The following UNC13A variants were observed in gnomAD, a reference collection of about 807,000 sequenced individuals.
UNC13A encodes protein unc-13 homolog A.
Under a neutral mutation model 219.7 loss-of-function variants are expected in UNC13A, and 61 were observed. The observed-to-expected ratio is 0.28, with a 90% confidence interval of 0.23 to 0.34. UNC13A has a LOEUF of 0.34. Ranked by LOEUF, UNC13A falls within the 10% of genes least tolerant of loss-of-function variation. The probability of loss-of-function intolerance (pLI) is 1.00; values close to 1 mark genes in which losing one functional copy is unlikely to be tolerated. For synonymous variants in UNC13A, 920 were observed against 884.6 expected, an observed-to-expected ratio of 1.04 and a Z score of -0.71; for missense variants, 1,476 against 2,270.3, an observed-to-expected ratio of 0.65 and a Z score of 7.11.
intron 41 of UNC13A, among the ~76,000 whole-genome samples, chr19:17,615,457 C>T (rs2076652574): frequency 6.6e-6 from 1 of 152,010 alleles, no homozygotes; most frequent in Non-Finnish European, 1.5e-5. Flanking sequence ...GATGGGTGGA[C>T]CACTTGAGGC....
chr19:17,633,992 T>C (rs965908801), intron 26 of UNC13A, among the ~76,000 whole-genome samples: 3 of 151,678 alleles, frequency 2.0e-5, no homozygotes, highest in African/African-American at 7.3e-5. Context: ...CATCCATCCC[T>C]CCATCCATTC....
chr19:17,661,799 G>C (rs2079555182), intron 8 of UNC13A, among the ~76,000 whole-genome samples: 1 of 152,192 alleles, frequency 6.6e-6, no homozygotes, highest in African/African-American at 2.4e-5. Flanking sequence ...CATGGATCTG[G>C]TCTGTGGCCT....
chr19:17,651,729 G>A lies in UNC13A; in HGVS notation c.1439+902C>T, dbSNP rs142501899. Among the ~76,000 whole-genome samples, 86 of 152,216 alleles carry A rather than the reference G, an allele frequency of 5.6e-4. No individual in the cohort carries two copies. The Middle Eastern group carries it at 0.014, about 24-fold the overall frequency. On this transcript the variant is annotated intron_variant, in intron 12 of 43. Transcript: ENST00000519716. Reference sequence around the variant, plus strand: ...CATCCTTCATAAATCACGTGCACAGGAATCCGCATTTCAGGACCCGCATCC... The same window carrying A: ...CATCCTTCATAAATCACGTGCACAGAAATCCGCATTTCAGGACCCGCATCC...
chr19:17,628,615 G>C (rs2076809231), intron 31 of UNC13A, among the ~76,000 whole-genome samples: 1 of 151,812 alleles, frequency 6.6e-6, no homozygotes. Flanking sequence ...TAAAATATGA[G>C]ACACACACCT....
At chr19:17,608,205 C>T (rs527696312) in intron 43 of UNC13A, among the ~76,000 whole-genome samples, 1 of 145,444 alleles carries the variant, frequency 6.9e-6, no homozygotes, top group Non-Finnish European at 1.5e-5. Context: ...CACCACAACA[C>T]ACAGCTAATA....
chr19:17,645,378 G>C (rs1457774553), intron 19 of UNC13A, among the ~76,000 whole-genome samples: 1 of 152,028 alleles, frequency 6.6e-6, no homozygotes, highest in Non-Finnish European at 1.5e-5. Flanking sequence ...TCTCCCCTCA[G>C]ACTAGGATTC....
In UNC13A at chr19:17,648,671, C is replaced by A. The variant is rs377679857; in HGVS notation, c.1597-21G>T. The A allele has an allele frequency of 1.9e-5, 31 of 1,590,872 alleles. No homozygotes were observed. The African/African-American group carries it at 3.9e-4, about 20-fold the overall frequency. On this transcript the variant is annotated intron_variant, in intron 15 of 43. Coordinates refer to ENST00000519716, the MANE Select transcript of UNC13A (RefSeq NM_001080421.3). ...TTTTTCTGCAGGGAGGGATGGGGTGCGGTTTGGGGGCGCCTAACCTGGCGC... is the reference window on the plus strand; with the variant it reads ...TTTTTCTGCAGGGAGGGATGGGGTGAGGTTTGGGGGCGCCTAACCTGGCGC...
chr19:17,618,605 G>A (rs923309421), intron 39 of UNC13A, 104 bp from the exon 40 acceptor site: 4 of 1,208,692 alleles, frequency 3.3e-6, no homozygotes, highest in African/African-American at 3.0e-5. Flanking sequence ...CTGGGCTGAG[G>A]GTCTATGTTT....
At chr19:17,662,461 C>T (rs2079566988) in intron 8 of UNC13A, among the ~76,000 whole-genome samples, 1 of 150,834 alleles carries the variant, frequency 6.6e-6, no homozygotes, top group Non-Finnish European at 1.5e-5. Flanking sequence ...TCATTACATA[C>T]TATAATGTAA....
At chr19:17,634,186 G>A (rs956912487) in intron 26 of UNC13A, among the ~76,000 whole-genome samples, 7 of 149,382 alleles carry the variant, frequency 4.7e-5, no homozygotes, top group East Asian at 2.0e-4. Flanking sequence ...CCATTCATTC[G>A]CCCACTCATA....
In UNC13A at chr19:17,658,172, G is replaced by T. The variant is rs2079492746; in HGVS notation, c.657C>A (p.Pro219=). The T allele has an allele frequency of 6.2e-7, 1 of 1,613,950 alleles. No individual in the cohort carries two copies. The highest frequency in any genetic ancestry group is 1.1e-5 in the South Asian group (1 of 91,076). ...CAGAATATTGGTGGACTGAGGCGTT[G>T]GGTTGTGACGTAGTATAATAGGGCG... ...IPPPYYTTSQ[P]NASVHQYSVR... The change falls in exon 9 of 44, where the codon CCC becomes CCA. Residue 219 remains proline, a synonymous_variant. Transcript: ENST00000519716.
chr19:17,668,130 C>T lies in UNC13A; in HGVS notation c.455G>A (p.Arg152Gln), dbSNP rs778147879. Residue 152 changes from arginine to glutamine, a missense_variant, in exon 6 of 44, where the codon CGG becomes CAG. Around this residue, in one of 14 missense-constraint regions of UNC13A, gnomAD observed 203 missense variants for 301.6 expected, o/e 0.67. Transcript: ENST00000519716. ...AKKLEQLNAM[R>Q]DQDEYSFQDE... ...CCCAACACTCACTTCATCCTGGTCCCGCATAGCATTGAGCTGCTCCAGCTT... is the reference window on the plus strand; with the variant it reads ...CCCAACACTCACTTCATCCTGGTCCTGCATAGCATTGAGCTGCTCCAGCTT... 1.3e-5 allele frequency: 21 copies of T among 1,613,616 alleles called. No homozygotes were observed. The highest frequency in any genetic ancestry group is 6.7e-5 in the African/African-American group (5 of 74,890).
Position 17,688,318 on chromosome 19 carries a change from C to T in UNC13A, c.-119G>A, listed in dbSNP as rs1044608512. On this transcript the variant is annotated 5_prime_UTR_variant, in exon 1 of 44. Transcript: ENST00000519716. Reference sequence around the variant, plus strand: ...CCCGCGCTTGGCTCACGCCGGGGCCCGGCCGCCACCGGCCATCTTGGTTCA... The same window carrying T: ...CCCGCGCTTGGCTCACGCCGGGGCCTGGCCGCCACCGGCCATCTTGGTTCA... The T allele has an allele frequency of 1.5e-6, 2 of 1,318,568 alleles. No homozygotes were observed. Among genetic ancestry groups the T allele is most frequent in the Non-Finnish European group, 1.9e-6 (2 of 1,033,616 alleles). 81.7% of individuals were successfully genotyped at this position (1,318,568 alleles called of 1,614,324 possible). A position where few individuals can be genotyped will look rare whatever the true frequency, so the allele number is the denominator to read the frequency against.
chr19:17,645,539 C>T lies in UNC13A; in HGVS notation c.2356+135G>A, dbSNP rs1350107609. The stretch of plus-strand genomic sequence containing the variant: ...TCCCATCAAACTGGGCTCCTAGACC[C>T]TGCCTCCCCCATCAGATTATGCTCC... On this transcript the variant is annotated intron_variant, in intron 19 of 43. Transcript: ENST00000519716. The T allele has an allele frequency of 1.1e-5, 14 of 1,309,540 alleles. No individual in the cohort carries two copies. In the East Asian group the frequency reaches 3.5e-4, roughly 33 times the overall value. 81.1% of individuals were successfully genotyped at this position (1,309,540 alleles called of 1,614,324 possible). A position where few individuals can be genotyped will look rare whatever the true frequency, so the allele number is the denominator to read the frequency against.
At chr19:17,645,009 CTTT>C (rs3049769) in intron 19 of UNC13A, among the ~76,000 whole-genome samples, 4 of 126,580 alleles carry the variant, frequency 3.2e-5, no homozygotes, top group Admixed American at 8.2e-5. Context: ...AGCCTGGATT[CTTT>C]TTTTTTTTTT....
intron 26 of UNC13A, among the ~76,000 whole-genome samples, chr19:17,633,872 T>C (rs888580709): frequency 1.3e-5 from 2 of 151,406 alleles, no homozygotes; most frequent in Non-Finnish European, 2.9e-5. Flanking sequence ...TACCCATCTA[T>C]CTATTCATCT....
Position 17,656,275 on chromosome 19 carries a change from G to T in UNC13A, c.891C>A (p.Asp297Glu). The change falls in exon 10 of 44, where the codon GAC (aspartate) becomes GAA (glutamate). Residue 297 changes from aspartate to glutamate, a missense_variant. By Grantham distance (45) the Asp-to-Glu change is conservative (BLOSUM62 2). Coordinates refer to ENST00000519716, the MANE Select transcript of UNC13A (RefSeq NM_001080421.3). ...LQGSDMEDER[D>E]RDSYHSCHSS... ...TGTGGCAGGAGTGGTAGGAGTCCCGGTCCCGCTCATCCTCCATGTCGGAGC... is the reference window on the plus strand; with the variant it reads ...TGTGGCAGGAGTGGTAGGAGTCCCGTTCCCGCTCATCCTCCATGTCGGAGC... 6.4e-7 allele frequency: 1 copy of T among 1,551,996 alleles called. No homozygotes were observed. Among genetic ancestry groups the T allele is most frequent in the Non-Finnish European group, 8.7e-7 (1 of 1,147,276 alleles).
chr19:17,676,740 A>C (rs1325942162), intron 1 of UNC13A, among the ~76,000 whole-genome samples: 1 of 152,192 alleles, frequency 6.6e-6, no homozygotes, highest in East Asian at 1.9e-4. Flanking sequence ...AGGGCGAGGC[A>C]CGGTGGCTCA....
At chr19:17,668,088 A>G (rs1568268925) in intron 6 of UNC13A, 29 bp downstream of exon 6, 1 of 1,609,480 alleles carries the variant, frequency 6.2e-7, no homozygotes, top group Non-Finnish European at 8.5e-7. Context: ...AACAAGGAAG[A>G]AACAGTCCCC....
Sources: allele counts gnomAD v4.1 joint callset (sites outside exome capture counted in the v4.1 genomes callset), GRCh38; gene constraint gnomAD v4.1.1; regional missense constraint gnomAD v4.1.1; transcripts MANE v1.5; gene names NCBI Gene and HGNC (gene_info 2026-07-23, HGNC 2026-07-21).